Variants in SMCHD1 observed in about 807,000 individuals in gnomAD.
The protein encoded by SMCHD1 is structural maintenance of chromosomes flexible hinge domain-containing protein 1.
In SMCHD1, 78 loss-of-function variants were observed where a neutral mutation model predicts 254.7. The observed-to-expected ratio is 0.31, with a 90% CI of 0.26 to 0.37. SMCHD1 has a LOEUF of 0.37. Among genes scored for constraint, SMCHD1 ranks in the 10% least tolerant of loss-of-function variants. The pLI is 1.00. For missense variants in SMCHD1, 1,840 were observed against 2,408.1 expected (o/e 0.76, Z 4.94); for synonymous variants, 766 against 794.9 (o/e 0.96, Z 0.61).
intron 44 of SMCHD1, among the ~76,000 whole-genome samples, chr18:2,779,790 A>G (rs951765998): frequency 6.6e-6 from 1 of 152,198 alleles, no homozygotes; most frequent in Non-Finnish European, 1.5e-5. Context: ...ATGAATAGCC[A>G]CTGCACTCCA....
intron 45 of SMCHD1, 35 bp from the exon 46 acceptor site, chr18:2,795,914 A>T: frequency 6.5e-7 from 1 of 1,533,750 alleles, no homozygotes; most frequent in Non-Finnish European, 8.8e-7. Flanking sequence ...GTTTAATAGC[A>T]GTAATTTAAT....
At chr18:2,694,469 A>G in intron 7 of SMCHD1, 58 bp from the exon 8 acceptor site, 1 of 1,314,000 alleles carries the variant, frequency 7.6e-7, no homozygotes, top group East Asian at 2.6e-5. Flanking sequence ...TGCAATAGCT[A>G]TTTGTATAAT....
chr18:2,777,484 A>T (rs2076087058), intron 42 of SMCHD1, among the ~76,000 whole-genome samples: 1 of 150,532 alleles, frequency 6.6e-6, no homozygotes, highest in Admixed American at 6.6e-5. Context: ...CTTCACATGA[A>T]CAGTTATGTC....
At position 2,742,113 on chromosome 18, in the gene SMCHD1, A is replaced by G. The variant is rs544376447; in HGVS notation, c.3633+1292A>G. Among the ~76,000 whole-genome samples the G allele has an allele frequency of 5.9e-5, 9 of 152,326 alleles. No homozygotes were observed. The East Asian group carries it at 1.3e-3, about 23-fold the overall frequency. ...AGTTCTCATGCTACCCATTAGACCT[A>G]TCAGCATGTTACATTCTACTGCATT... On this transcript the variant is annotated intron_variant, in intron 28 of 47. Transcript: ENST00000320876.
In SMCHD1 at chr18:2,732,508, A is replaced by C. The variant is rs201469075; in HGVS notation, c.3276+16A>C. On this transcript the variant is annotated intron_variant, in intron 25 of 47. Coordinates refer to ENST00000320876, the MANE Select transcript of SMCHD1 (RefSeq NM_015295.3). ...AAAAATTAAAGTAAGTATCTCTAAC[A>C]GATTGGTTATTTGTAAGAACTTTTT... 5 of 1,494,530 alleles carry C rather than the reference A, an allele frequency of 3.3e-6. No homozygotes were observed. The African/African-American group carries it at 6.9e-5, about 21-fold the overall frequency. The allele number at this position is 1,494,530 out of a possible 1,614,324, so 92.6% of individuals were successfully genotyped here. A position where few individuals can be genotyped will look rare whatever the true frequency, so the allele number is the denominator to read the frequency against.
intron 37 of SMCHD1, among the ~76,000 whole-genome samples, chr18:2,766,187 G>A (rs907593994): frequency 4.6e-5 from 7 of 152,200 alleles, no homozygotes; most frequent in African/African-American, 1.7e-4. Flanking sequence ...TAGCGACGGG[G>A]TTTCACCGTG....
intron 3 of SMCHD1, among the ~76,000 whole-genome samples, chr18:2,672,718 G>T (rs1019109099): frequency 6.6e-6 from 1 of 152,238 alleles, no homozygotes; most frequent in East Asian, 1.9e-4. Flanking sequence ...CACGTTGGTG[G>T]TGTGGTAGTG....
intron 5 of SMCHD1, among the ~76,000 whole-genome samples, chr18:2,679,771 A>C (rs887789881): frequency 7.2e-5 from 11 of 151,990 alleles, no homozygotes; most frequent in African/African-American, 2.4e-4. Flanking sequence ...TTTTTCTTCA[A>C]ATTTGGGGAG....
chr18:2,758,049 TATAGATAG>T (rs200025760), intron 34 of SMCHD1, among the ~76,000 whole-genome samples: 3 of 151,736 alleles, frequency 2.0e-5, no homozygotes, highest in African/African-American at 7.3e-5. Context: ...TGTTTGCATA[TATAGATAG>T]ATAGATAGAT....
intron 5 of SMCHD1, among the ~76,000 whole-genome samples, chr18:2,678,303 CTT>C (rs554708832): frequency 4.8e-4 from 60 of 126,222 alleles, no homozygotes; most frequent in Middle Eastern, 4.1e-3. Context: ...TTCTTTCTTC[CTT>C]TTTTTTTTTT....
At chr18:2,738,738 T>C (rs916638965) in intron 26 of SMCHD1, among the ~76,000 whole-genome samples, 193 bp downstream of exon 26, 10 of 152,224 alleles carry the variant, frequency 6.6e-5, no homozygotes, top group Non-Finnish European at 4.4e-5. Flanking sequence ...GAATTGGCCT[T>C]CTAGTAGCTG....
At chr18:2,765,975 T>C (rs970071814) in intron 37 of SMCHD1, among the ~76,000 whole-genome samples, 9 of 147,492 alleles carry the variant, frequency 6.1e-5, no homozygotes, top group African/African-American at 2.0e-4. Flanking sequence ...CTTTACCTGT[T>C]TTCCTGTTTA....
At chr18:2,780,013 G>C (rs214117) in intron 44 of SMCHD1, among the ~76,000 whole-genome samples, 150,118 of 152,186 alleles carry the variant, frequency 0.99, 74,071 homozygotes, top group East Asian at 1. Flanking sequence ...GCCAAGGTAG[G>C]GGATCATTTG....
At chr18:2,709,736 G>A (rs1183068609) in intron 17 of SMCHD1, among the ~76,000 whole-genome samples, 2 of 152,032 alleles carry the variant, frequency 1.3e-5, no homozygotes, top group African/African-American at 4.8e-5. Flanking sequence ...GTCTATTCAG[G>A]TCCTTTGGCC....
rs752391984 is a variant in SMCHD1 at position 2,740,763 on chromosome 18, C to T, written c.3575C>T (p.Ser1192Phe). ...CAAGCATTTTCACCAAGTTCTTTATCTTCTTTGTCAATTGCTGGGGTTGGA... is the reference window on the plus strand; with the variant it reads ...CAAGCATTTTCACCAAGTTCTTTATTTTCTTTGTCAATTGCTGGGGTTGGA... ...QIQAFSPSSL[S>F]SLSIAGVGLD... Residue 1192 changes from serine to phenylalanine, a missense_variant, in exon 28 of 48, where the codon TCT becomes TTT. This residue lies in a region of SMCHD1 where 881 missense variants were observed against 1,009.5 expected (regional missense o/e 0.87). Coordinates refer to ENST00000320876, the MANE Select transcript of SMCHD1 (RefSeq NM_015295.3). 3 of 1,611,768 alleles carry T rather than the reference C, an allele frequency of 1.9e-6. No individual in the cohort carries two copies. The highest frequency in any genetic ancestry group is 2.5e-6 in the Non-Finnish European group (3 of 1,178,666).
At position 2,802,645 on chromosome 18, in the gene SMCHD1, CTG is replaced by C; in HGVS notation, c.*94_*95del. On this transcript the variant is annotated 3_prime_UTR_variant, in exon 48 of 48. Transcript: ENST00000320876. Reference sequence around the variant, plus strand: ...AAGACCAAGAGGGTGACTTACCAGACTGAGTATTTCTGGGGACAATACAAGTA... The same window carrying C: ...AAGACCAAGAGGGTGACTTACCAGACAGTATTTCTGGGGACAATACAAGTA... The C allele has an allele frequency of 8.4e-7, 1 of 1,188,190 alleles. No homozygotes were observed. The highest frequency in any genetic ancestry group is 1.2e-6 in the Non-Finnish European group (1 of 850,914). 73.6% of individuals were successfully genotyped at this position (1,188,190 alleles called of 1,614,324 possible).
chr18:2,666,116 T>C (rs1415389950), intron 1 of SMCHD1, 41 bp from the exon 2 acceptor site: 1 of 900,896 alleles, frequency 1.1e-6, no homozygotes, highest in Non-Finnish European at 1.7e-6. Flanking sequence ...TACATTTATT[T>C]CCTTTGTGTA....
chr18:2,734,663 T>TTA (rs1555642903), intron 25 of SMCHD1, among the ~76,000 whole-genome samples: 2 of 150,586 alleles, frequency 1.3e-5, no homozygotes, highest in Non-Finnish European at 3.0e-5. Context: ...TTTTTTTTTT[T>TTA]AATACAATAA....
At chr18:2,797,483 T>A (rs2076283219) in intron 47 of SMCHD1, among the ~76,000 whole-genome samples, 1 of 152,370 alleles carries the variant, frequency 6.6e-6, no homozygotes. Flanking sequence ...TTTGCCATAT[T>A]CATCTGCGTA....
Sources: gnomAD v4.1 joint callset for allele counts (sites outside exome capture counted in the v4.1 genomes callset) on GRCh38, gnomAD v4.1.1 for gene constraint, gnomAD v4.1.1 regional missense constraint, MANE v1.5 for transcripts, NCBI Gene and HGNC (gene_info 2026-07-23, HGNC 2026-07-21) for gene names.